Variants in G2E3 observed in about 807,000 individuals in gnomAD.
G2E3 encodes G2/M-phase specific E3 ubiquitin protein ligase, also known as G2/M phase-specific E3 ubiquitin-protein ligase.
G2E3 carries 35 observed loss-of-function variants against 92.8 expected under a neutral mutation model. That is an observed-to-expected ratio of 0.38 (90% confidence interval 0.29 to 0.50). G2E3 has a LOEUF of 0.50. G2E3 is among the 20% of genes least tolerant of loss of function. The pLI is 0.94. For synonymous variants in G2E3, 242 were observed against 272.4 expected, an observed-to-expected ratio of 0.89 and a Z score of 1.10; for missense variants, 554 against 823.8, an observed-to-expected ratio of 0.67 and a Z score of 4.01.
At chr14:30,590,697 AG>A (rs768292485) in intron 4 of G2E3, 32 of 455,846 alleles carry the variant, frequency 7.0e-5, no homozygotes, top group Non-Finnish European at 1.3e-4. Context: ...CAGAGGTTCT[AG>A]GGCACAAGGA....
At chr14:30,562,739 T>C (rs529646523) in intron 1 of G2E3, among the ~76,000 whole-genome samples, 28 of 152,298 alleles carry the variant, frequency 1.8e-4, no homozygotes, top group African/African-American at 6.7e-4. Context: ...GTCACACTCC[T>C]CGTCTGCCTT....
In G2E3 at chr14:30,617,175, G is replaced by A. The variant is rs1373584741; in HGVS notation, c.*641G>A. 2 of 151,954 alleles carry A rather than the reference G, an allele frequency of 1.3e-5. No individual in the cohort carries two copies. Among genetic ancestry groups the A allele is most frequent in the Non-Finnish European group, 2.9e-5 (2 of 67,946 alleles). The allele number at this position is 151,954 out of a possible 1,614,324, so 9.4% of individuals were successfully genotyped here. A position where few individuals can be genotyped will look rare whatever the true frequency, so the allele number is the denominator to read the frequency against. On this transcript the variant is annotated 3_prime_UTR_variant, in exon 15 of 15. Coordinates refer to ENST00000206595, the MANE Select transcript of G2E3 (RefSeq NM_017769.5). Reference sequence around the variant, plus strand: ...AGAATTAAGCTGGGCACATGTGCTTGTAATCTCAGTTATAAGGGAGGCTGA... The same window carrying A: ...AGAATTAAGCTGGGCACATGTGCTTATAATCTCAGTTATAAGGGAGGCTGA...
chr14:30,598,378 C>A (rs1356753129), intron 7 of G2E3, 105 bp from the exon 8 acceptor site: 1 of 740,910 alleles, frequency 1.3e-6, no homozygotes, highest in Non-Finnish European at 2.3e-6. Context: ...AAGAGCAAGA[C>A]TGCGTCTCAA....
intron 1 of G2E3, among the ~76,000 whole-genome samples, chr14:30,565,322 C>G (rs1879362585): frequency 6.6e-6 from 1 of 151,938 alleles, no homozygotes; most frequent in Non-Finnish European, 1.5e-5. Context: ...GATTACTTGT[C>G]TTTTTGTTGT....
chr14:30,600,412 C>T (rs973192937), intron 8 of G2E3, among the ~76,000 whole-genome samples: 10 of 152,146 alleles, frequency 6.6e-5, no homozygotes, highest in African/African-American at 1.9e-4. Flanking sequence ...TATCAAGTAA[C>T]ATGTATTCTT....
At chr14:30,607,851 A>G in intron 11 of G2E3, 37 bp from the exon 12 acceptor site, 3 of 1,087,258 alleles carry the variant, frequency 2.8e-6, no homozygotes, top group African/African-American at 3.2e-5. Context: ...TTATAATAAT[A>G]GAAGTGTATT....
At chr14:30,595,203 A>G (rs1250485874) in intron 6 of G2E3, among the ~76,000 whole-genome samples, 1 of 152,160 alleles carries the variant, frequency 6.6e-6, no homozygotes, top group Non-Finnish European at 1.5e-5. Context: ...AATACTTGCA[A>G]AGAGGTGTTT....
chr14:30,600,206 C>T (rs1262093953), intron 8 of G2E3, among the ~76,000 whole-genome samples: 1 of 152,166 alleles, frequency 6.6e-6, no homozygotes, highest in East Asian at 1.9e-4. Flanking sequence ...GTTGAGTCAG[C>T]TACTACTTAA....
chr14:30,592,357 T>C lies in G2E3; in HGVS notation c.272T>C (p.Ile91Thr). 1 of 1,611,236 alleles carries C rather than the reference T, an allele frequency of 6.2e-7. No homozygotes were observed. The highest frequency in any genetic ancestry group is 8.5e-7 in the Non-Finnish European group (1 of 1,177,756). The change falls in exon 5 of 15, where the codon ATT becomes ACT. Residue 91 changes from isoleucine to threonine, a missense_variant. Ile to Thr is a moderately conservative substitution (Grantham distance 89, BLOSUM62 -1). Coordinates refer to ENST00000206595, the MANE Select transcript of G2E3 (RefSeq NM_017769.5). ...CCVCKKNGAS[I>T]GCVAPRCKRS... is the part of the protein sequence containing the mutation. Reference sequence around the variant, plus strand: ...GTTTGCAAGAAAAATGGTGCTTCAATTGGATGTGTTGCACCCCGATGTAAA... The same window carrying C: ...GTTTGCAAGAAAAATGGTGCTTCAACTGGATGTGTTGCACCCCGATGTAAA...
intron 2 of G2E3, among the ~76,000 whole-genome samples, chr14:30,584,944 TC>T (rs1880625630): frequency 6.6e-6 from 1 of 151,064 alleles, no homozygotes; most frequent in Non-Finnish European, 1.5e-5. Context: ...CAATTCTTCT[TC>T]CTCAGCCTCC....
intron 10 of G2E3, among the ~76,000 whole-genome samples, chr14:30,604,734 C>G (rs1881743982): frequency 6.6e-6 from 1 of 152,076 alleles, no homozygotes; most frequent in African/African-American, 2.4e-5. Context: ...ATTGTGTAAT[C>G]TCTCAAAGAC....
At chr14:30,607,239 A>C (rs900064171) in intron 11 of G2E3, among the ~76,000 whole-genome samples, 9 of 152,172 alleles carry the variant, frequency 5.9e-5, no homozygotes, top group African/African-American at 1.9e-4. Flanking sequence ...TTATATACAC[A>C]AAGAGGTACA....
intron 1 of G2E3, among the ~76,000 whole-genome samples, chr14:30,569,423 G>A (rs1005058205): frequency 6.6e-6 from 1 of 152,188 alleles, no homozygotes; most frequent in Non-Finnish European, 1.5e-5. Context: ...CAAGTGTAAT[G>A]TTCTTTCTGC....
chr14:30,578,357 T>C (rs1322139685), intron 1 of G2E3, among the ~76,000 whole-genome samples: 1 of 152,210 alleles, frequency 6.6e-6, no homozygotes, highest in East Asian at 1.9e-4. Flanking sequence ...ATTCACTAAA[T>C]GTTCATTTTG....
chr14:30,560,453 C>T, intron 1 of G2E3: 1 of 249,550 alleles, frequency 4.0e-6, no homozygotes, highest in Non-Finnish European at 7.6e-6. Context: ...ATTCTTCCTG[C>T]TATTGAACTT....
rs1882327364 is a variant in G2E3 at position 30,616,600 on chromosome 14, T to C, written c.*66T>C. ...TATTGATAACTCTCTTTTATTTCAC[T>C]AACCTTTTCATCATCACTTTGAACA... On this transcript the variant is annotated 3_prime_UTR_variant, in exon 15 of 15. Transcript: ENST00000206595. 2.5e-6 allele frequency: 3 copies of C among 1,181,172 alleles called. No homozygotes were observed. The highest frequency in any genetic ancestry group is 1.6e-5 in the African/African-American group (1 of 64,476). 73.2% of individuals were successfully genotyped at this position (1,181,172 alleles called of 1,614,324 possible).
At chr14:30,614,132 C>CGGATG (rs1233917508) in intron 13 of G2E3, among the ~76,000 whole-genome samples, 1 of 152,034 alleles carries the variant, frequency 6.6e-6, no homozygotes, top group Non-Finnish European at 1.5e-5. Context: ...GTATAGGTTT[C>CGGATG]ATCCTTACTA....
Position 30,573,075 on chromosome 14 carries a change from C to T in G2E3, c.-4-8001C>T, listed in dbSNP as rs1462482062. ...CTCAAATTCCTGGGCTCAAGCAATCCTCCTGCTTCAGCCTTTCAAGTAGCT... is the reference window on the plus strand; with the variant it reads ...CTCAAATTCCTGGGCTCAAGCAATCTTCCTGCTTCAGCCTTTCAAGTAGCT... On this transcript the variant is annotated intron_variant, in intron 1 of 14. Coordinates refer to ENST00000206595, the MANE Select transcript of G2E3 (RefSeq NM_017769.5). 1.3e-5 allele frequency among the ~76,000 whole-genome samples: 2 copies of T among 151,968 alleles called. 1 individual carries two copies. Among genetic ancestry groups the T allele is most frequent in the African/African-American group, 4.8e-5 (2 of 41,358 alleles).
Position 30,607,997 on chromosome 14 carries a change from T to G in G2E3, c.1428T>G (p.Val476=), listed in dbSNP as rs1881911324. The G allele has an allele frequency of 6.2e-7, 1 of 1,608,050 alleles. No homozygotes were observed. The highest frequency in any genetic ancestry group is 8.5e-7 in the Non-Finnish European group (1 of 1,177,928). The change falls in exon 12 of 15, where the codon GTT becomes GTG. Residue 476 remains valine (V), a synonymous_variant. Transcript: ENST00000206595. ...CTAAAACCTTGTTTAACTGCCTTGTTTATGGACCAGAAAATACCCAGCCAA... is the reference window on the plus strand; with the variant it reads ...CTAAAACCTTGTTTAACTGCCTTGTGTATGGACCAGAAAATACCCAGCCAA... The part of the protein sequence containing the change: ...FFSKTLFNCL[V]YGPENTQPIL...
Sources: gnomAD v4.1 joint callset for allele counts (sites outside exome capture counted in the v4.1 genomes callset) on GRCh38, gnomAD v4.1.1 for gene constraint, MANE v1.5 for transcripts, NCBI Gene and HGNC (gene_info 2026-07-23, HGNC 2026-07-21) for gene names.